Variants in RALYL observed in about 807,000 individuals in gnomAD.
The protein encoded by RALYL is RNA-binding Raly-like protein.
Under a neutral mutation model 35.1 loss-of-function variants are expected in RALYL, and 29 were observed. That is an observed-to-expected ratio of 0.83 (90% confidence interval 0.61 to 1.13). The LOEUF (loss-of-function observed/expected upper bound fraction) is 1.13, where lower values mean the gene tolerates loss of function less well. Ranked by LOEUF, RALYL falls within the 50% of genes most tolerant of loss-of-function variation. RALYL has a pLI of 0.00. For synonymous variants in RALYL, 120 were observed against 127.6 expected, an observed-to-expected ratio of 0.94 and a Z score of 0.40; for missense variants, 359 against 360.4, an observed-to-expected ratio of 1.00 and a Z score of 0.03.
At chr8:84,703,326 G>A (rs143771202) in intron 2 of RALYL, among the ~76,000 whole-genome samples, 146 of 152,236 alleles carry the variant, frequency 9.6e-4, no homozygotes, top group African/African-American at 3.2e-3. Context: ...TTGAGGAGCT[G>A]GAAATTGCCT....
chr8:84,514,662 T>A (rs2057915716), intron 1 of RALYL, among the ~76,000 whole-genome samples: 1 of 152,216 alleles, frequency 6.6e-6, no homozygotes, highest in Non-Finnish European at 1.5e-5. Flanking sequence ...CTGTTAATAC[T>A]ACCACATACG....
chr8:84,435,600 T>A (rs759730489), intron 1 of RALYL, among the ~76,000 whole-genome samples: 32 of 152,128 alleles, frequency 2.1e-4, no homozygotes, highest in Non-Finnish European at 4.4e-4. Context: ...TATAACAAGA[T>A]TGGATCATGT....
At chr8:84,468,973 G>A (rs1241956541) in intron 1 of RALYL, among the ~76,000 whole-genome samples, 32 of 150,920 alleles carry the variant, frequency 2.1e-4, no homozygotes, top group Non-Finnish European at 3.9e-4. Flanking sequence ...CGTAGTTCTC[G>A]AGCCTTGGTT....
At chr8:84,767,451 A>T (rs1814373550) in intron 2 of RALYL, among the ~76,000 whole-genome samples, 1 of 152,192 alleles carries the variant, frequency 6.6e-6, no homozygotes, top group Non-Finnish European at 1.5e-5. Flanking sequence ...CTGAGGTTTA[A>T]TATCAGAGGG....
At chr8:84,185,100 T>C (rs369124412) in intron 1 of RALYL, 4 of 1,461,966 alleles carry the variant, frequency 2.7e-6, no homozygotes, top group Non-Finnish European at 3.8e-6. Context: ...TTCCCTGTTG[T>C]GTTGCGTTGG....
chr8:84,700,910 G>A (rs1040119057), intron 2 of RALYL, among the ~76,000 whole-genome samples: 5 of 152,114 alleles, frequency 3.3e-5, no homozygotes, highest in African/African-American at 4.8e-5. Context: ...AAATTATTTG[G>A]TTGTTATCCT....
chr8:84,628,094 C>T (rs1325078952), intron 2 of RALYL, among the ~76,000 whole-genome samples: 2 of 152,090 alleles, frequency 1.3e-5, no homozygotes. Flanking sequence ...CAATGACTTA[C>T]TGTTAGATGC....
chr8:84,239,530 A>G (rs1827374555), intron 1 of RALYL, among the ~76,000 whole-genome samples: 1 of 152,174 alleles, frequency 6.6e-6, no homozygotes, highest in South Asian at 2.1e-4. Context: ...CAGATGAGGA[A>G]ACTGAGACAT....
At chr8:84,279,726 G>C (rs980355540) in intron 1 of RALYL, among the ~76,000 whole-genome samples, 2 of 151,902 alleles carry the variant, frequency 1.3e-5, no homozygotes, top group African/African-American at 2.4e-5. Context: ...CTTTTTCCTA[G>C]TATCACTACA....
At chr8:84,214,267 C>A (rs1050259710) in intron 1 of RALYL, among the ~76,000 whole-genome samples, 3 of 152,048 alleles carry the variant, frequency 2.0e-5, no homozygotes, top group Non-Finnish European at 2.9e-5. Flanking sequence ...GAATTGGTAT[C>A]ATTTCATATA....
chr8:84,397,810 C>G (rs912120507), intron 1 of RALYL, among the ~76,000 whole-genome samples: 3 of 152,140 alleles, frequency 2.0e-5, no homozygotes, highest in Non-Finnish European at 2.9e-5. Flanking sequence ...CAGTACTGCA[C>G]CTCCTGTTTT....
rs558019687 is a variant in RALYL, at chr8:84,346,750, G to A, written c.-24+162326G>A. The stretch of plus-strand genomic sequence containing the variant: ...TCCCAAAGTCTAATGTTCTTTACAG[G>A]CCTATGAGTATTTTATGCCAGAATA... On this transcript the variant is annotated intron_variant, in intron 1 of 8. Coordinates refer to ENST00000521268, the MANE Select transcript of RALYL (RefSeq NM_173848.7). Among the ~76,000 whole-genome samples the A allele has an allele frequency of 3.3e-5, 5 of 152,048 alleles. No homozygotes were observed. In the East Asian group the frequency reaches 9.7e-4, roughly 29 times the overall value.
chr8:84,703,697 C>T (rs1041534383), intron 2 of RALYL, among the ~76,000 whole-genome samples: 3 of 152,130 alleles, frequency 2.0e-5, no homozygotes, highest in Non-Finnish European at 4.4e-5. Context: ...CTAATCATCA[C>T]CACGTTTATT....
intron 2 of RALYL, among the ~76,000 whole-genome samples, chr8:84,582,883 C>A (rs974897735): frequency 1.3e-5 from 2 of 151,688 alleles, no homozygotes; most frequent in African/African-American, 4.8e-5. Context: ...TCATAATGAC[C>A]AATGTTAATT....
chr8:84,225,577 T>A (rs1823672244), intron 1 of RALYL, among the ~76,000 whole-genome samples: 1 of 152,216 alleles, frequency 6.6e-6, no homozygotes, highest in Non-Finnish European at 1.5e-5. Context: ...GAATATTGGC[T>A]ATTTCTCTCT....
intron 4 of RALYL, 43 bp from the exon 5 acceptor site, chr8:84,849,937 C>A: frequency 3.7e-6 from 4 of 1,093,876 alleles, no homozygotes; most frequent in Admixed American, 2.8e-5. Context: ...AAATTAATGT[C>A]ATTGAAACAA....
intron 3 of RALYL, among the ~76,000 whole-genome samples, chr8:84,786,616 A>C (rs1316700779): frequency 6.6e-6 from 1 of 152,192 alleles, no homozygotes; most frequent in Non-Finnish European, 1.5e-5. Flanking sequence ...CGCTGGCTGC[A>C]TAAATGTCTT....
chr8:84,644,475 T>C (rs1171750174), intron 2 of RALYL, among the ~76,000 whole-genome samples: 1 of 152,032 alleles, frequency 6.6e-6, no homozygotes, highest in Non-Finnish European at 1.5e-5. Context: ...CATAAGAAAT[T>C]AGTAATTAAA....
At chr8:84,899,003 G>A (rs1409556351) in intron 8 of RALYL, among the ~76,000 whole-genome samples, 2 of 152,174 alleles carry the variant, frequency 1.3e-5, no homozygotes, top group Non-Finnish European at 1.5e-5. Context: ...GCATAGCACA[G>A]TATCTAGCAT....
Sources: allele counts gnomAD v4.1 joint callset (sites outside exome capture counted in the v4.1 genomes callset), GRCh38; gene constraint gnomAD v4.1.1; transcripts MANE v1.5; gene names NCBI Gene and HGNC (gene_info 2026-07-23, HGNC 2026-07-21).